The following IRAG1 variants were observed in gnomAD, a reference collection of about 807,000 sequenced individuals.
IRAG1 encodes inositol 1,4,5-triphosphate receptor associated 1.
IRAG1 carries 62 observed loss-of-function variants against 106.2 expected under a neutral mutation model. That is an observed-to-expected ratio of 0.58 (90% CI 0.48 to 0.72). The LOEUF (loss-of-function observed/expected upper bound fraction) is 0.72, where lower values mean the gene tolerates loss of function less well. Among genes scored for constraint, IRAG1 ranks in the 30% least tolerant of loss-of-function variants. The pLI is 0.00. For synonymous variants in IRAG1, 462 were observed against 443.9 expected, an observed-to-expected ratio of 1.04 and a Z score of -0.51; for missense variants, 1,064 against 1,140.7, an observed-to-expected ratio of 0.93 and a Z score of 0.97.
At chr11:10,611,754 G>A (rs1854980579) in intron 10 of IRAG1, 1 of 152,112 alleles carries the variant, frequency 6.6e-6, no homozygotes, top group Admixed American at 6.5e-5. Context: ...AAGGAAGATG[G>A]GAGAGAAAAA....
At position 10,657,105 on chromosome 11, in the gene IRAG1, A is replaced by C. The variant is rs1858985106; in HGVS notation, c.68-4923T>G. 6.6e-6 allele frequency among the ~76,000 whole-genome samples: 1 copy of C among 152,192 alleles called. No homozygotes were observed. The highest frequency in any genetic ancestry group is 1.5e-5 in the Non-Finnish European group (1 of 68,020). ...CTTCAAAGGCCTTACTGTATCCCAGAAAGTATAGAGCCATCATCGGGACGC... is the reference window on the plus strand; with the variant it reads ...CTTCAAAGGCCTTACTGTATCCCAGCAAGTATAGAGCCATCATCGGGACGC... On this transcript the variant is annotated intron_variant, in intron 1 of 20. Transcript: ENST00000423302. This position sits in a 1 kb window ranked among gnomAD's most constrained non-coding sequence, Gnocchi z 4.1.
intron 10 of IRAG1, among the ~76,000 whole-genome samples, chr11:10,610,754 A>G (rs1854886612): frequency 6.6e-6 from 1 of 152,224 alleles, no homozygotes; most frequent in African/African-American, 2.4e-5. Flanking sequence ...CATGCAGCAT[A>G]GATTTTGTGT....
intron 1 of IRAG1, among the ~76,000 whole-genome samples, chr11:10,666,508 A>T (rs191416610): frequency 1.3e-5 from 2 of 152,310 alleles, no homozygotes; most frequent in East Asian, 1.9e-4. Context: ...CTAACACAGG[A>T]CCAGAAGAGG....
intron 1 of IRAG1, among the ~76,000 whole-genome samples, chr11:10,689,715 A>C (rs1861917947): frequency 6.6e-6 from 1 of 152,244 alleles, no homozygotes; most frequent in African/African-American, 2.4e-5. Context: ...AGAATCTTTA[A>C]TGATATGGAA....
At chr11:10,592,558 T>C (rs369498402) in intron 17 of IRAG1, among the ~76,000 whole-genome samples, 227 of 152,304 alleles carry the variant, frequency 1.5e-3, no homozygotes, top group Non-Finnish European at 3.0e-3. Context: ...ATCAGATTGT[T>C]TCCTTATAGG....
rs1275273343 is a variant in IRAG1, at chr11:10,576,144, T to G, written c.*188A>C. 1.2e-5 allele frequency: 9 copies of G among 721,608 alleles called. No homozygotes were observed. In the Admixed American group the frequency reaches 2.7e-4, roughly 21 times the overall value. The allele number at this position is 721,608 out of a possible 1,614,324, so 44.7% of individuals were successfully genotyped here. ...TGCTTTCCCAGGGCAGTTTTGTTGA[T>G]CCTCCAAGAACATCAAGTCACTGTG... is the stretch of plus-strand genomic sequence containing the variant. On this transcript the variant is annotated 3_prime_UTR_variant, in exon 21 of 21. Coordinates refer to ENST00000423302, the MANE Select transcript of IRAG1 (RefSeq NM_130385.4).
At chr11:10,595,505 A>C (rs1179916192) in intron 15 of IRAG1, among the ~76,000 whole-genome samples, 1 of 152,170 alleles carries the variant, frequency 6.6e-6, no homozygotes, top group Admixed American at 6.5e-5. Context: ...TTCTTGAATA[A>C]ATCTTAAAAT....
intron 1 of IRAG1, among the ~76,000 whole-genome samples, chr11:10,693,060 GA>G (rs1332316092): frequency 1.3e-5 from 2 of 152,240 alleles, no homozygotes; most frequent in East Asian, 1.9e-4. Flanking sequence ...GGCAGAGACA[GA>G]AATAGAGGCA....
chr11:10,599,282 T>C (rs1014212186), intron 15 of IRAG1, among the ~76,000 whole-genome samples: 1 of 152,200 alleles, frequency 6.6e-6, no homozygotes. Flanking sequence ...CAGTATTATA[T>C]AGGGCAAACC....
chr11:10,675,775 C>T (rs1177991968), intron 1 of IRAG1, among the ~76,000 whole-genome samples: 3 of 152,314 alleles, frequency 2.0e-5, no homozygotes, highest in African/African-American at 4.8e-5. Context: ...TCTTATTCAG[C>T]GCCTTCCTAA....
chr11:10,608,105 C>G lies in IRAG1; in HGVS notation c.1572-1333G>C, dbSNP rs139707152. Among the ~76,000 whole-genome samples, 876 of 152,134 alleles carry G rather than the reference C, an allele frequency of 5.8e-3. 1 individual carries two copies. Among genetic ancestry groups the G allele is most frequent in the Non-Finnish European group, 8.3e-3 (566 of 67,990 alleles). On this transcript the variant is annotated intron_variant, in intron 11 of 20. Transcript: ENST00000423302. The stretch of plus-strand genomic sequence containing the variant: ...CTTTTTTGCTGTAGAACACACCCAC[C>G]TTATTTTTATTTTATTTATTTATTT...
intron 10 of IRAG1, among the ~76,000 whole-genome samples, chr11:10,621,787 T>C (rs1360078438): frequency 6.6e-6 from 1 of 152,114 alleles, no homozygotes; most frequent in Non-Finnish European, 1.5e-5. Context: ...TAAGATTGAA[T>C]TAAAAGGACT....
chr11:10,636,076 C>A (rs1314620753), intron 2 of IRAG1, among the ~76,000 whole-genome samples: 1 of 152,152 alleles, frequency 6.6e-6, no homozygotes. Flanking sequence ...CAACTACTAG[C>A]TATGTGTCGT....
chr11:10,639,762 T>C (rs1191115247), intron 2 of IRAG1, among the ~76,000 whole-genome samples: 2 of 152,336 alleles, frequency 1.3e-5, no homozygotes, highest in East Asian at 1.9e-4. Context: ...TGTCTTCATT[T>C]GTTTGTATGA....
At chr11:10,589,123 A>G (rs559151062) in intron 18 of IRAG1, 6 of 152,256 alleles carry the variant, frequency 3.9e-5, no homozygotes, top group African/African-American at 1.4e-4. Context: ...ACCAGCTCTC[A>G]AGTATCTTCC....
At chr11:10,598,622 G>C (rs1179284558) in intron 15 of IRAG1, among the ~76,000 whole-genome samples, 1 of 152,152 alleles carries the variant, frequency 6.6e-6, no homozygotes, top group African/African-American at 2.4e-5. Flanking sequence ...TTTACAAAAA[G>C]AAAGAACAAG....
intron 9 of IRAG1, among the ~76,000 whole-genome samples, chr11:10,625,351 G>C (rs1396470445): frequency 1.3e-5 from 2 of 152,048 alleles, no homozygotes; most frequent in Non-Finnish European, 2.9e-5. Flanking sequence ...TCTATCTCTG[G>C]ATGCCCCCAA....
intron 12 of IRAG1, among the ~76,000 whole-genome samples, chr11:10,605,059 G>A (rs917533600): frequency 6.6e-6 from 1 of 152,206 alleles, no homozygotes. Flanking sequence ...GAAGCTTTAA[G>A]TAGCTGCCAG....
Position 10,626,174 on chromosome 11 carries a change from G to T in IRAG1, c.1160C>A (p.Pro387His). Residue 387 changes from proline to histidine, a missense_variant, in exon 9 of 21, where the codon CCC (proline) becomes CAC (histidine). Transcript: ENST00000423302. ...CCAGGAGAGCCCTCGCAGCAGCGGG[G>T]GCCGGGACACAGTGGGTGGAAGCTC... is the stretch of plus-strand genomic sequence containing the variant. The part of the protein sequence containing the change: ...KAELPPTVSR[P>H]PLLRGLSWDS... 2.6e-6 allele frequency: 4 copies of T among 1,551,528 alleles called. No individual in the cohort carries two copies. The highest frequency in any genetic ancestry group is 3.5e-6 in the Non-Finnish European group (4 of 1,147,736).
Sources: allele counts gnomAD v4.1 joint callset (sites outside exome capture counted in the v4.1 genomes callset), GRCh38; gene constraint gnomAD v4.1.1; non-coding constraint Gnocchi (gnomAD v3.1); transcripts MANE v1.5; gene names NCBI Gene and HGNC (gene_info 2026-07-23, HGNC 2026-07-21).